DRAM2: variants seen among roughly 807,000 people sequenced by gnomAD.
DRAM2 encodes the protein DNA damage regulated autophagy modulator 2.
DRAM2 carries 26 observed loss-of-function variants against 33.5 expected under a neutral mutation model. That is an observed-to-expected ratio of 0.78 (90% CI 0.57 to 1.08). The LOEUF (loss-of-function observed/expected upper bound fraction) is 1.08. Ranked by LOEUF, DRAM2 falls within the 50% of genes least tolerant of loss-of-function variation. DRAM2 has a pLI of 0.00. For missense variants in DRAM2, 311 were observed against 318.1 expected, an observed-to-expected ratio of 0.98 and a Z score of 0.17; for synonymous variants, 98 against 109.5, an observed-to-expected ratio of 0.89 and a Z score of 0.66.
intron 6 of DRAM2, 57 bp from the exon 7 acceptor site, chr1:111,120,750 CACA>C: frequency 7.1e-7 from 1 of 1,402,842 alleles, no homozygotes; most frequent in Non-Finnish European, 9.4e-7. Flanking sequence ...ACATTGGCAA[CACA>C]ACATTTAAAA....
At position 111,131,508 on chromosome 1, in the gene DRAM2, A is replaced by G. The variant is rs746226896; in HGVS notation, c.47T>C (p.Val16Ala). The G allele has an allele frequency of 2.5e-6, 4 of 1,614,222 alleles. No homozygotes were observed. The highest frequency in any genetic ancestry group is 3.4e-6 in the Non-Finnish European group (4 of 1,180,020). ...TATGAAAGCAGCAGATGTCCAAATT[A>G]CAAGGGCTGAAGGAAGGAAACTGAG... ...QGLSFLPSALVIWTSAAFIFS... is the reference protein window; with the variant it reads ...QGLSFLPSALAIWTSAAFIFS... Residue 16 changes from valine (V) to alanine (A), a missense_variant, in exon 4 of 10, where the codon GTA (valine) becomes GCA (alanine). Coordinates refer to ENST00000484310, the MANE Select transcript of DRAM2 (RefSeq NM_001349884.2).
chr1:111,139,240 T>C (rs536682102), intron 2 of DRAM2: 44 of 152,392 alleles, frequency 2.9e-4, no homozygotes, highest in African/African-American at 1.1e-3. Flanking sequence ...GTTACTGATT[T>C]ATAAATTAAA....
At chr1:111,133,062 A>G (rs1443453574) in intron 3 of DRAM2, among the ~76,000 whole-genome samples, 1 of 152,048 alleles carries the variant, frequency 6.6e-6, no homozygotes, top group Non-Finnish European at 1.5e-5. Context: ...TAATCCTTCT[A>G]ACTTCAAAAT....
At chr1:111,120,260 AG>A (rs1207684544) in intron 7 of DRAM2, among the ~76,000 whole-genome samples, 2 of 151,674 alleles carry the variant, frequency 1.3e-5, no homozygotes, top group South Asian at 2.1e-4. Context: ...ATTTCTTTGA[AG>A]TGAGTATGAT....
chr1:111,124,932 A>G lies in DRAM2; in HGVS notation c.200-51T>C, dbSNP rs1265257261. On this transcript the variant is annotated intron_variant, in intron 5 of 9. Transcript: ENST00000484310. ...ACAAAGTAATAAATAATCAAGAAAT[A>G]AAGTTGCCAATGAAGAGTTCACAAA... 3 of 1,568,220 alleles carry G rather than the reference A, an allele frequency of 1.9e-6. No homozygotes were observed. In the African/African-American group the frequency reaches 4.1e-5, roughly 21 times the overall value.
At chr1:111,126,552 G>C (rs1651059970) in intron 4 of DRAM2, among the ~76,000 whole-genome samples, 1 of 151,924 alleles carries the variant, frequency 6.6e-6, no homozygotes, top group East Asian at 1.9e-4. Flanking sequence ...TTTTTAAAAA[G>C]CTGTCCTTGG....
rs1649200905 is a variant in DRAM2 at position 111,117,743 on chromosome 1, A to G, written c.*417T>C. The G allele has an allele frequency of 6.0e-6, 1 of 167,418 alleles. No homozygotes were observed. The highest frequency in any genetic ancestry group is 2.4e-5 in the African/African-American group (1 of 41,520). The allele number at this position is 167,418 out of a possible 1,614,324, so 10.4% of individuals were successfully genotyped here. A position where few individuals can be genotyped will look rare whatever the true frequency, so the allele number is the denominator to read the frequency against. On this transcript the variant is annotated 3_prime_UTR_variant, in exon 10 of 10. Coordinates refer to ENST00000484310, the MANE Select transcript of DRAM2 (RefSeq NM_001349884.2). Reference sequence around the variant, plus strand: ...TTCAAAACCCAGTTCTAAAGGATTTACTGACTAATGCTGATTATTTAGTCA... The same window carrying G: ...TTCAAAACCCAGTTCTAAAGGATTTGCTGACTAATGCTGATTATTTAGTCA...
rs1387094647 is a variant in DRAM2 at position 111,131,380 on chromosome 1, T to A, written c.131+44A>T. 12 of 1,531,022 alleles carry A rather than the reference T, an allele frequency of 7.8e-6. No individual in the cohort carries two copies. In the African/African-American group the frequency reaches 1.7e-4, roughly 21 times the overall value. 94.8% of individuals were successfully genotyped at this position (1,531,022 alleles called of 1,614,324 possible). ...GTTGACTTCAATGTTAAAATAAGAA[T>A]GAGACATAAAGAGTCTCCTATACAA... On this transcript the variant is annotated intron_variant, in intron 4 of 9. Transcript: ENST00000484310.
At chr1:111,129,510 A>G (rs1485868356) in intron 4 of DRAM2, among the ~76,000 whole-genome samples, 1 of 152,238 alleles carries the variant, frequency 6.6e-6, no homozygotes, top group Non-Finnish European at 1.5e-5. Flanking sequence ...TTAAGTCTCA[A>G]TAGCTCAGAA....
At chr1:111,136,274 GAAT>G (rs1653117739) in intron 3 of DRAM2, among the ~76,000 whole-genome samples, 1 of 152,054 alleles carries the variant, frequency 6.6e-6, no homozygotes, top group South Asian at 2.1e-4. Context: ...TTGAAAAATG[GAAT>G]AATGTGAGGC....
rs2101050475 is a variant in DRAM2, at chr1:111,126,218, A to G, written c.199+9T>C. The G allele has an allele frequency of 6.3e-7, 1 of 1,594,478 alleles. No homozygotes were observed. The highest frequency in any genetic ancestry group is 2.2e-5 in the East Asian group (1 of 44,666). ...CTATTATCATGTTAAAATCACTTTC[A>G]TTACTTACATAAAACTGCCGCAATA... On this transcript the variant is annotated intron_variant, in intron 5 of 9. Coordinates refer to ENST00000484310, the MANE Select transcript of DRAM2 (RefSeq NM_001349884.2).
intron 4 of DRAM2, among the ~76,000 whole-genome samples, chr1:111,128,993 G>A (rs1201643136): frequency 6.6e-6 from 1 of 152,016 alleles, no homozygotes; most frequent in Non-Finnish European, 1.5e-5. Context: ...ATTATTTCTC[G>A]AATTGGAACC....
chr1:111,126,886 G>C (rs1440608579), intron 4 of DRAM2, among the ~76,000 whole-genome samples: 1 of 152,158 alleles, frequency 6.6e-6, no homozygotes, highest in Non-Finnish European at 1.5e-5. Context: ...TCCTCTAGCA[G>C]ATAGTGACTC....
intron 1 of DRAM2, 136 bp from the exon 2 acceptor site, chr1:111,139,802 C>T (rs1189349405): frequency 6.6e-6 from 1 of 152,258 alleles, no homozygotes; most frequent in Non-Finnish European, 1.5e-5. Flanking sequence ...CTCATCCCCG[C>T]CCCCGGAAAC....
At chr1:111,126,581 T>C (rs574976312) in intron 4 of DRAM2, among the ~76,000 whole-genome samples, 6 of 152,248 alleles carry the variant, frequency 3.9e-5, no homozygotes, top group Non-Finnish European at 8.8e-5. Flanking sequence ...GACTATGTTA[T>C]TGACCTACCA....
Position 111,139,563 on chromosome 1 carries a change from A to AT in DRAM2, c.-142dup, listed in dbSNP as rs1258500828. ...TAGCTTTTGTGGGAAAGGGTTGAAG[A>AT]TTCTTGGTAACTGCTTCAACAAACC... On this transcript the variant is annotated 5_prime_UTR_variant, in exon 2 of 10. Transcript: ENST00000484310. 2 of 152,234 alleles carry AT rather than the reference A, an allele frequency of 1.3e-5. No individual in the cohort carries two copies. The highest frequency in any genetic ancestry group is 4.8e-5 in the African/African-American group (2 of 41,448). The allele number at this position is 152,234 out of a possible 1,614,324, so 9.4% of individuals were successfully genotyped here.
At chr1:111,124,622 T>C in intron 6 of DRAM2, 120 bp downstream of exon 6, 1 of 1,069,056 alleles carries the variant, frequency 9.4e-7, no homozygotes, top group South Asian at 1.6e-5. Context: ...AAGGAAGTGA[T>C]TTCTATTTTG....
At chr1:111,127,942 A>G (rs1451103232) in intron 4 of DRAM2, 1 of 152,164 alleles carries the variant, frequency 6.6e-6, no homozygotes, top group African/African-American at 2.4e-5. Flanking sequence ...ATGTTTTTAG[A>G]TTAAAAATAT....
chr1:111,120,822 C>A, intron 6 of DRAM2, 129 bp from the exon 7 acceptor site: 1 of 695,718 alleles, frequency 1.4e-6, no homozygotes. Context: ...GCCAATTCTA[C>A]AAACAAATTA....
Sources: allele counts gnomAD v4.1 joint callset (sites outside exome capture counted in the v4.1 genomes callset), GRCh38; gene constraint gnomAD v4.1.1; transcripts MANE v1.5; gene names NCBI Gene and HGNC (gene_info 2026-07-23, HGNC 2026-07-21).